Variants in TCF20 observed in about 807,000 individuals in gnomAD.
TCF20 encodes the protein SPRE-binding protein.
A neutral mutation model predicts 148.6 loss-of-function variants in TCF20; 3 were observed. The ratio of observed to expected loss-of-function variants is 0.02; its 90% CI spans 0.01 to 0.05. The LOEUF is 0.05. Among genes scored for constraint, TCF20 ranks in the 10% least tolerant of loss-of-function variants. The probability of loss-of-function intolerance (pLI) is 1.00; values close to 1 mark genes in which losing one functional copy is unlikely to be tolerated. For missense variants in TCF20, 2,350 were observed against 2,429.3 expected, an observed-to-expected ratio of 0.97 and a Z score of 0.69; for synonymous variants, 1,049 against 909.5, an observed-to-expected ratio of 1.15 and a Z score of -2.76.
upstream of TCF20, among the ~76,000 whole-genome samples, chr22:42,271,337 G>A (rs1405872827): frequency 6.6e-6 from 1 of 152,246 alleles, no homozygotes. Context: ...TTCTGCTGCG[G>A]CATTAAGAAG....
At chr22:42,253,062 G>C (rs973695063) in intron 1 of TCF20, among the ~76,000 whole-genome samples, 4 of 151,908 alleles carry the variant, frequency 2.6e-5, no homozygotes, top group Non-Finnish European at 5.9e-5. Context: ...AGTGACAGGG[G>C]GCCATAGGAA....
intron 1 of TCF20, among the ~76,000 whole-genome samples, chr22:42,255,794 C>T (rs1005901961): frequency 2.6e-5 from 4 of 151,276 alleles, no homozygotes; most frequent in South Asian, 2.1e-4. Flanking sequence ...GTCAGAACAA[C>T]GCCCCCAACC....
rs539299804 is a variant in TCF20, at chr22:42,261,642, A to G, written c.-37+8697T>C. On this transcript the variant is annotated intron_variant, in intron 1 of 5. Coordinates refer to ENST00000677622, the MANE Select transcript of TCF20 (RefSeq NM_001378418.1). Reference sequence around the variant, plus strand: ...TTGCTGCCTCTTATTCATTCAACAAATATCCTGAAGGATGAGAAAAAGGCT... The same window carrying G: ...TTGCTGCCTCTTATTCATTCAACAAGTATCCTGAAGGATGAGAAAAAGGCT... Among the ~76,000 whole-genome samples, 5 of 152,296 alleles carry G rather than the reference A, an allele frequency of 3.3e-5. No homozygotes were observed. The East Asian group carries it at 5.8e-4, about 18-fold the overall frequency.
chr22:42,212,510 G>A lies in TCF20; in HGVS notation c.2796C>T (p.Asp932=), dbSNP rs1921086472. 6.2e-7 allele frequency: 1 copy of A among 1,614,210 alleles called. No individual in the cohort carries two copies. The highest frequency in any genetic ancestry group is 1.3e-5 in the African/African-American group (1 of 75,054). ...KSQSGQIKEE[D]FEQSKSQASF... The stretch of plus-strand genomic sequence containing the variant: ...TAGCTTGAGATTTAGACTGTTCAAA[G>A]TCTTCCTCTTTTATCTGCCCGCTCT... Residue 932 remains aspartate (D), a synonymous_variant, in exon 2 of 6, where the codon GAC becomes GAT. Coordinates refer to ENST00000677622, the MANE Select transcript of TCF20 (RefSeq NM_001378418.1).
At chr22:42,334,336 G>A (rs1033491054) in intron 1 of TCF20, among the ~76,000 whole-genome samples, 2 of 152,160 alleles carry the variant, frequency 1.3e-5, no homozygotes, top group Admixed American at 1.3e-4. Context: ...AGGAGGTTTG[G>A]TGTCCCAGGG....
rs751700535 is a variant in TCF20, at chr22:42,212,228, T to G, written c.3078A>C (p.Pro1026=). Residue 1026 remains proline, a synonymous_variant, in exon 2 of 6, where the codon CCA becomes CCC. Transcript: ENST00000677622. ...LKMSPGRSRG[P]GGDPHHMNPH... ...GATTCATGTGATGAGGGTCTCCCCC[T>G]GGGCCTCTGCTCCGCCCAGGAGACA... 1 of 1,614,206 alleles carries G rather than the reference T, an allele frequency of 6.2e-7. No individual in the cohort carries two copies. The highest frequency in any genetic ancestry group is 2.2e-5 in the East Asian group (1 of 44,882).
intron 1 of TCF20, among the ~76,000 whole-genome samples, chr22:42,268,167 G>A (rs573672983): frequency 2.4e-4 from 34 of 140,634 alleles, no homozygotes; most frequent in East Asian, 1.1e-3. Flanking sequence ...AAATAAAAGG[G>A]GATTTAATTT....
rs34823825 is a variant in TCF20 at position 42,209,930 on chromosome 22, C to A, written c.5376G>T (p.Ser1792=). Residue 1792 remains serine (S), a synonymous_variant, in exon 2 of 6, where the codon TCG becomes TCT. Transcript: ENST00000677622. ...AHPRFKRRHR[S]EDCGGGPRSL... ...ACCGAGGGCCTCCACCACAGTCTTCCGAGCGGTGGCGCCGCTTAAACCTGG... is the reference window on the plus strand; with the variant it reads ...ACCGAGGGCCTCCACCACAGTCTTCAGAGCGGTGGCGCCGCTTAAACCTGG... 1.5e-5 allele frequency: 25 copies of A among 1,614,132 alleles called. No homozygotes were observed. Among genetic ancestry groups the A allele is most frequent in the Non-Finnish European group, 2.1e-5 (25 of 1,180,036 alleles).
At chr22:42,233,406 T>C (rs1923607169) in intron 1 of TCF20, among the ~76,000 whole-genome samples, 1 of 152,230 alleles carries the variant, frequency 6.6e-6, no homozygotes, top group East Asian at 1.9e-4. Context: ...TTCTTAGCAA[T>C]GTTCTGTGTA....
chr22:42,268,319 A>G lies in TCF20; in HGVS notation c.-37+2020T>C, dbSNP rs1211824677. On this transcript the variant is annotated intron_variant, in intron 1 of 5. Transcript: ENST00000677622. ...TTGGTATAGAAATACTTACCAGTCA[A>G]AAGCACAGCCTAAGGCCTTCACACA... Among the ~76,000 whole-genome samples, 5 of 152,236 alleles carry G rather than the reference A, an allele frequency of 3.3e-5. No homozygotes were observed. In the East Asian group the frequency reaches 5.8e-4, roughly 18 times the overall value.
intron 1 of TCF20, among the ~76,000 whole-genome samples, chr22:42,219,066 A>C (rs1472738694): frequency 1.3e-5 from 2 of 152,106 alleles, no homozygotes; most frequent in East Asian, 3.9e-4. Flanking sequence ...TACCAACGAC[A>C]GAAAATGTAA....
At chr22:42,319,719 A>C (rs1927698079) in intron 1 of TCF20, among the ~76,000 whole-genome samples, 1 of 152,030 alleles carries the variant, frequency 6.6e-6, no homozygotes, top group Non-Finnish European at 1.5e-5. Flanking sequence ...CAACTAAACA[A>C]AGTGTCAGGG....
At chr22:42,252,673 T>C (rs1220664898) in intron 1 of TCF20, among the ~76,000 whole-genome samples, 1 of 152,162 alleles carries the variant, frequency 6.6e-6, no homozygotes, top group Non-Finnish European at 1.5e-5. Context: ...ATGGTCTTAA[T>C]TTCCTGACCT....
chr22:42,252,712 A>G (rs917031718), intron 1 of TCF20, among the ~76,000 whole-genome samples: 2 of 152,170 alleles, frequency 1.3e-5, no homozygotes, highest in African/African-American at 2.4e-5. Flanking sequence ...TCGGCCTCCC[A>G]AAATGTTGGG....
intron 5 of TCF20, among the ~76,000 whole-genome samples, chr22:42,165,144 C>A (rs1385895902): frequency 1.3e-5 from 2 of 152,218 alleles, no homozygotes; most frequent in Admixed American, 6.5e-5. Context: ...GACTCAGGCT[C>A]TCCTCTGGAG....
At chr22:42,329,491 G>A (rs1927932672) in intron 1 of TCF20, among the ~76,000 whole-genome samples, 1 of 152,270 alleles carries the variant, frequency 6.6e-6, no homozygotes. Context: ...GAGAAGCGGG[G>A]CTCGAGGCTG....
rs894022673 is a variant in TCF20 at position 42,243,524 on chromosome 22, C to A, written c.-37+26815G>T. 2.6e-5 allele frequency among the ~76,000 whole-genome samples: 4 copies of A among 152,098 alleles called. No homozygotes were observed. The East Asian group carries it at 7.7e-4, about 29-fold the overall frequency. ...GGCTGAGGCAGGAGAATCGCTTGAA[C>A]CCTGGAGGTGGAGGTTGCAGTGAGC... On this transcript the variant is annotated intron_variant, in intron 1 of 5. Transcript: ENST00000677622.
Position 42,213,816 on chromosome 22 carries a change from C to T in TCF20, c.1490G>A (p.Ser497Asn), listed in dbSNP as rs1205489932. Residue 497 changes from serine to asparagine, a missense_variant, in exon 2 of 6, where the codon AGC (serine) becomes AAC (asparagine). Physicochemically the swap from Ser to Asn is conservative, Grantham distance 46 (BLOSUM62 1). Around this residue, in one of 7 missense-constraint regions of TCF20, gnomAD observed 1,641 missense variants for 1,662.6 expected, o/e 0.99. Transcript: ENST00000677622. ...KRPSSSKKAD[S>N]CTNSEGSSQP... ...TGAGGAGCCTTCAGAATTTGTGCAG[C>T]TATCTGCTTTCTTGGAAGATGAGGG... is the stretch of plus-strand genomic sequence containing the variant. 2 of 1,614,190 alleles carry T rather than the reference C, an allele frequency of 1.2e-6. No individual in the cohort carries two copies. Among genetic ancestry groups the T allele is most frequent in the East Asian group, 4.5e-5 (2 of 44,884 alleles).
chr22:42,236,441 G>A (rs770958335), intron 1 of TCF20, among the ~76,000 whole-genome samples: 3 of 152,166 alleles, frequency 2.0e-5, no homozygotes, highest in South Asian at 2.1e-4. Flanking sequence ...GAATGCCGAC[G>A]GAGCGCATTC....
Sources: gnomAD v4.1 joint callset for allele counts (sites outside exome capture counted in the v4.1 genomes callset) on GRCh38, gnomAD v4.1.1 for gene constraint, gnomAD v4.1.1 regional missense constraint, MANE v1.5 for transcripts, NCBI Gene and HGNC (gene_info 2026-07-23, HGNC 2026-07-21) for gene names.